Variants in MIA3 observed in about 807,000 individuals in gnomAD.
MIA3 encodes MIA SH3 domain ER export factor 3, also known as transport and Golgi organization protein 1 homolog.
A neutral mutation model predicts 192.4 loss-of-function variants in MIA3; 90 were observed. The observed-to-expected ratio is 0.47, with a 90% confidence interval of 0.39 to 0.56. The LOEUF (loss-of-function observed/expected upper bound fraction) is 0.56, where lower values mean the gene tolerates loss of function less well. MIA3 is among the 20% of genes least tolerant of loss of function. The pLI, the probability that MIA3 is intolerant of heterozygous loss-of-function variation, is 0.00. For missense variants in MIA3, 2,123 were observed against 2,269.4 expected (o/e 0.94, Z 1.31); for synonymous variants, 740 against 792.8 (o/e 0.93, Z 1.12).
intron 18 of MIA3, among the ~76,000 whole-genome samples, chr1:222,657,961 A>AGAAGTACAAGGG (rs1278052207): frequency 6.6e-6 from 1 of 152,236 alleles, no homozygotes; most frequent in Non-Finnish European, 1.5e-5. Flanking sequence ...CTATGAGTAA[A>AGAAGTACAAGGG]GAAGTACAAG....
chr1:222,644,721 C>T, intron 6 of MIA3: 2 of 964,546 alleles, frequency 2.1e-6, no homozygotes, highest in South Asian at 3.0e-5. Flanking sequence ...CAAGACGTTT[C>T]TATGCTGTTT....
At chr1:222,646,020 G>C (rs1015272825) in intron 7 of MIA3, 9 of 191,764 alleles carry the variant, frequency 4.7e-5, no homozygotes, top group Middle Eastern at 2.3e-3. Context: ...GGAATTCTTA[G>C]AGCCATCCTG....
rs371856722 is a variant in MIA3 at position 222,664,154 on chromosome 1, A to G, written c.5413+6A>G. On this transcript the variant is annotated splice_donor_region_variant and intron_variant, in intron 27 of 27. Transcript: ENST00000344922. Reference sequence around the variant, plus strand: ...GCCACTTCCTCCACCCTTTGGTAAGATGATCTGAACAGTAGTAATTGACTT... The same window carrying G: ...GCCACTTCCTCCACCCTTTGGTAAGGTGATCTGAACAGTAGTAATTGACTT... The G allele has an allele frequency of 4.3e-6, 7 of 1,613,930 alleles. No homozygotes were observed. In the East Asian group the frequency reaches 1.6e-4, roughly 36 times the overall value.
Position 222,633,127 on chromosome 1 carries a change from C to T in MIA3, c.3355C>T (p.Pro1119Ser). Residue 1119 changes from proline to serine, a missense_variant, in exon 6 of 28, where the codon CCT (proline) becomes TCT (serine). Pro to Ser is a moderately conservative substitution (Grantham distance 74). Transcript: ENST00000344922. ...AGGGCCAGTTACAACAGAAGACACT[C>T]CTATGGATGCTATTGATGCAAACAA... is the stretch of plus-strand genomic sequence containing the variant. Reference protein sequence around the residue: ...DPGPVTTEDTPMDAIDANKQP... With the variant: ...DPGPVTTEDTSMDAIDANKQP... 1 of 1,612,588 alleles carries T rather than the reference C, an allele frequency of 6.2e-7. No individual in the cohort carries two copies. The highest frequency in any genetic ancestry group is 8.5e-7 in the Non-Finnish European group (1 of 1,179,624).
chr1:222,640,247 A>T (rs1055159310), intron 6 of MIA3, among the ~76,000 whole-genome samples: 2 of 152,162 alleles, frequency 1.3e-5, no homozygotes, highest in Non-Finnish European at 2.9e-5. Context: ...TATATTGTTA[A>T]GCTCCCCAAT....
At chr1:222,660,035 A>G in intron 23 of MIA3, 29 bp downstream of exon 23, 1 of 1,595,220 alleles carries the variant, frequency 6.3e-7, no homozygotes, top group Non-Finnish European at 8.6e-7. Context: ...AAAGGGCAAC[A>G]ATCTGTTTTT....
chr1:222,642,755 G>T (rs1338761350), intron 6 of MIA3, among the ~76,000 whole-genome samples: 1 of 152,166 alleles, frequency 6.6e-6, no homozygotes, highest in Non-Finnish European at 1.5e-5. Context: ...AGATAAGTGA[G>T]AAATCATATT....
chr1:222,660,279 C>T lies in MIA3; in HGVS notation c.5078C>T (p.Thr1693Ile), dbSNP rs1252948074. The change falls in exon 24 of 28, where the codon ACT becomes ATT. Residue 1693 changes from threonine (T) to isoleucine (I), a missense_variant. Thr to Ile is a moderately conservative substitution (Grantham distance 89). Coordinates refer to ENST00000344922, the MANE Select transcript of MIA3 (RefSeq NM_198551.4). Reference protein sequence around the residue: ...VEPPVRPLSATLNRRDMPRSE... With the variant: ...VEPPVRPLSAILNRRDMPRSE... Reference sequence around the variant, plus strand: ...CCACCCGTGAGACCTCTCTCTGCTACTCTCAATCGAAGAGATATGCCTAGA... The same window carrying T: ...CCACCCGTGAGACCTCTCTCTGCTATTCTCAATCGAAGAGATATGCCTAGA... 4 of 1,613,840 alleles carry T rather than the reference C, an allele frequency of 2.5e-6. No homozygotes were observed. In the East Asian group the frequency reaches 6.7e-5, roughly 27 times the overall value.
intron 8 of MIA3, chr1:222,649,179 ATTT>A: frequency 5.6e-6 from 1 of 179,386 alleles, no homozygotes; most frequent in Non-Finnish European, 1.2e-5. Flanking sequence ...TTAAATATTT[ATTT>A]AAGTAGATAA....
intron 7 of MIA3, among the ~76,000 whole-genome samples, chr1:222,646,346 C>T (rs1304839445): frequency 6.7e-6 from 1 of 149,198 alleles, no homozygotes; most frequent in African/African-American, 2.5e-5. Context: ...ACCTGGGAGG[C>T]GGAGGCTGCA....
chr1:222,624,825 A>T lies in MIA3; in HGVS notation c.325A>T (p.Thr109Ser). Residue 109 changes from threonine (T) to serine (S), a missense_variant, in exon 3 of 28, where the codon ACC becomes TCC. By Grantham distance (58) the Thr-to-Ser change is moderately conservative. Coordinates refer to ENST00000344922, the MANE Select transcript of MIA3 (RefSeq NM_198551.4). ...TTTAATCCAGGTAGTTCATGAATAT[A>T]CCAAAGAAGAGCTACAAGTTCCAAC... ...KDLIQVVHEYTKEELQVPTDE... is the reference protein window; with the variant it reads ...KDLIQVVHEYSKEELQVPTDE... 6.3e-7 allele frequency: 1 copy of T among 1,599,964 alleles called. No homozygotes were observed. Among genetic ancestry groups the T allele is most frequent in the Non-Finnish European group, 8.6e-7 (1 of 1,168,190 alleles).
chr1:222,634,788 G>T (rs1662558020), intron 6 of MIA3, among the ~76,000 whole-genome samples: 1 of 152,102 alleles, frequency 6.6e-6, no homozygotes, highest in Non-Finnish European at 1.5e-5. Flanking sequence ...TTGTTTTTCT[G>T]TTAAAATCCA....
chr1:222,618,411 C>T (rs1661706487), intron 1 of MIA3, among the ~76,000 whole-genome samples, 168 bp downstream of exon 1: 1 of 152,200 alleles, frequency 6.6e-6, no homozygotes, highest in Admixed American at 6.5e-5. Context: ...CGGGGGTGGG[C>T]GCGCTCCGGG....
Position 222,650,147 on chromosome 1 carries a change from A to G in MIA3, c.3632-145A>G, listed in dbSNP as rs1663347857. 7.4e-6 allele frequency: 5 copies of G among 676,778 alleles called. No homozygotes were observed. In the Admixed American group the frequency reaches 8.4e-5, roughly 11 times the overall value. 41.9% of individuals were successfully genotyped at this position (676,778 alleles called of 1,614,324 possible). A position where few individuals can be genotyped will look rare whatever the true frequency, so the allele number is the denominator to read the frequency against. ...TTTGATGGAGACACAGAACCAAACC[A>G]TATCACTTTTTAAAACCATAATAGT... On this transcript the variant is annotated intron_variant, in intron 8 of 27. Coordinates refer to ENST00000344922, the MANE Select transcript of MIA3 (RefSeq NM_198551.4).
chr1:222,627,725 C>A lies in MIA3; in HGVS notation c.505C>A (p.Pro169Thr). 1 of 1,613,140 alleles carries A rather than the reference C, an allele frequency of 6.2e-7. No homozygotes were observed. The highest frequency in any genetic ancestry group is 2.2e-5 in the East Asian group (1 of 44,862). ...AACTTTACAGGATATGGAAAAAAACCCTGAATTATCTAAGGAAAGGGAACC... is the reference window on the plus strand; with the variant it reads ...AACTTTACAGGATATGGAAAAAAACACTGAATTATCTAAGGAAAGGGAACC... ...EKTLQDMEKN[P>T]ELSKEREPEP... is the part of the protein sequence containing the mutation. The change falls in exon 4 of 28, where the codon CCT (proline) becomes ACT (threonine). Residue 169 changes from proline to threonine, a missense_variant. Physicochemically the swap from Pro to Thr is conservative, Grantham distance 38. This residue lies in a region of MIA3 where 1,357 missense variants were observed against 1,396.1 expected (regional missense o/e 0.97). Transcript: ENST00000344922.
At chr1:222,660,903 A>G (rs79229993) in intron 24 of MIA3, 6,697 of 152,758 alleles carry the variant, frequency 0.044, 208 homozygotes, top group South Asian at 0.092. Context: ...ACCATTCACA[A>G]TTGGGAAAAA....
At chr1:222,648,124 G>C (rs1481943891) in intron 7 of MIA3, among the ~76,000 whole-genome samples, 2 of 152,122 alleles carry the variant, frequency 1.3e-5, no homozygotes, top group Non-Finnish European at 2.9e-5. Flanking sequence ...ATTTAGTGCT[G>C]TCTTTGGGGG....
chr1:222,649,147 T>G (rs1663291015), intron 8 of MIA3: 2 of 236,812 alleles, frequency 8.4e-6, no homozygotes, highest in Non-Finnish European at 1.6e-5. Flanking sequence ...AGTGTCCCTG[T>G]GCTAATGATT....
At chr1:222,665,110 G>A (rs1664211759) in intron 27 of MIA3, 199 bp from the exon 28 acceptor site, 1 of 553,722 alleles carries the variant, frequency 1.8e-6, no homozygotes, top group African/African-American at 2.0e-5. Flanking sequence ...GAGGTGGGAG[G>A]ATTGATTGAG....
Sources: allele counts gnomAD v4.1 joint callset (sites outside exome capture counted in the v4.1 genomes callset), GRCh38; gene constraint gnomAD v4.1.1; regional missense constraint gnomAD v4.1.1; transcripts MANE v1.5; gene names NCBI Gene and HGNC (gene_info 2026-07-23, HGNC 2026-07-21).